HACD2: variants seen among roughly 807,000 people sequenced by gnomAD.
HACD2 encodes the protein 3-hydroxyacyl-CoA dehydratase 2.
In HACD2, 15 loss-of-function variants were observed where a neutral mutation model predicts 31.0. The ratio of observed to expected loss-of-function variants is 0.48; its 90% CI spans 0.32 to 0.75. HACD2 has a LOEUF of 0.75. Among genes scored for constraint, HACD2 ranks in the 30% least tolerant of loss-of-function variants. HACD2 has a pLI of 0.03. For synonymous variants in HACD2, 115 were observed against 122.2 expected, an observed-to-expected ratio of 0.94 and a Z score of 0.39; for missense variants, 283 against 313.0, an observed-to-expected ratio of 0.90 and a Z score of 0.72.
intron 3 of HACD2, among the ~76,000 whole-genome samples, chr3:123,532,097 G>A (rs1456375004): frequency 1.3e-5 from 2 of 152,168 alleles, no homozygotes; most frequent in Admixed American, 6.5e-5. Context: ...ATACAAAAGT[G>A]CCTGTCTTAG....
intron 2 of HACD2, among the ~76,000 whole-genome samples, chr3:123,574,047 A>G (rs879599609): frequency 2.4e-4 from 37 of 152,346 alleles, no homozygotes; most frequent in Non-Finnish European, 7.3e-5. Flanking sequence ...GGGCTAATTA[A>G]TGGCAAAACC....
chr3:123,564,452 T>C (rs1184927448), intron 3 of HACD2, among the ~76,000 whole-genome samples: 1 of 152,116 alleles, frequency 6.6e-6, no homozygotes, highest in South Asian at 2.1e-4. Context: ...TCAGGAGGGC[T>C]CAGTCCAACG....
At chr3:123,510,310 C>A (rs1229225942) in intron 4 of HACD2, among the ~76,000 whole-genome samples, 1 of 152,152 alleles carries the variant, frequency 6.6e-6, no homozygotes, top group Non-Finnish European at 1.5e-5. Context: ...TGCAGTGGTC[C>A]AATCTCGGCT....
At chr3:123,540,170 T>C (rs1037690031) in intron 3 of HACD2, among the ~76,000 whole-genome samples, 11 of 152,078 alleles carry the variant, frequency 7.2e-5, no homozygotes, top group Non-Finnish European at 1.6e-4. Context: ...ATGACTTTGC[T>C]GTACTGGTTT....
At chr3:123,532,286 G>C (rs372581886) in intron 3 of HACD2, among the ~76,000 whole-genome samples, 2 of 152,126 alleles carry the variant, frequency 1.3e-5, no homozygotes, top group Non-Finnish European at 2.9e-5. Flanking sequence ...ATGTCATTCA[G>C]ACCAACTGTC....
At chr3:123,506,704 G>T (rs527942711) in intron 4 of HACD2, among the ~76,000 whole-genome samples, 2 of 151,954 alleles carry the variant, frequency 1.3e-5, no homozygotes, top group African/African-American at 4.8e-5. Flanking sequence ...CAAAATGCTG[G>T]GATTACAAGT....
intron 4 of HACD2, among the ~76,000 whole-genome samples, chr3:123,507,985 AC>A (rs201699440): frequency 2.3e-4 from 35 of 150,220 alleles, no homozygotes; most frequent in African/African-American, 4.4e-4. Context: ...ACATAGTGAG[AC>A]CCCCCCTCTC....
At position 123,560,127 on chromosome 3, in the gene HACD2, T is replaced by C. The variant is rs576452302; in HGVS notation, c.292+7635A>G. Among the ~76,000 whole-genome samples the C allele has an allele frequency of 2.0e-5, 3 of 152,312 alleles. No individual in the cohort carries two copies. The East Asian group carries it at 5.8e-4, about 29-fold the overall frequency. On this transcript the variant is annotated intron_variant, in intron 3 of 6. Coordinates refer to ENST00000383657, the MANE Select transcript of HACD2 (RefSeq NM_198402.5). ...TCAGAGAACAGGGGCTGAAGCTTTG[T>C]GTATCAGGAGCACAAGATGCAGGTG...
intron 4 of HACD2, among the ~76,000 whole-genome samples, chr3:123,505,104 C>T (rs1352766305): frequency 6.6e-6 from 1 of 152,184 alleles, no homozygotes; most frequent in African/African-American, 2.4e-5. Flanking sequence ...AATTCTTACA[C>T]ATGCTACAAC....
chr3:123,510,881 T>C (rs1201320930), intron 4 of HACD2, among the ~76,000 whole-genome samples: 1 of 151,878 alleles, frequency 6.6e-6, no homozygotes, highest in African/African-American at 2.4e-5. Flanking sequence ...ATTACATCCC[T>C]ACCAACAGTG....
chr3:123,565,461 C>T (rs1466462046), intron 3 of HACD2, among the ~76,000 whole-genome samples: 2 of 152,064 alleles, frequency 1.3e-5, no homozygotes, highest in East Asian at 3.9e-4. Flanking sequence ...GCTCACTTGC[C>T]CCTTCCACCA....
intron 1 of HACD2, 128 bp downstream of exon 1, chr3:123,584,745 C>T: frequency 1.4e-6 from 1 of 704,924 alleles, no homozygotes; most frequent in African/African-American, 1.9e-5. Flanking sequence ...GGTACCGGGT[C>T]CCGGGCACCC....
At chr3:123,495,035 T>C in intron 6 of HACD2, 65 bp from the exon 7 acceptor site, 1 of 1,018,672 alleles carries the variant, frequency 9.8e-7, no homozygotes, top group Non-Finnish European at 1.5e-6. Context: ...ATTTAAAGCA[T>C]ATGAAGTTGA....
chr3:123,530,802 T>A (rs2056351085), intron 3 of HACD2, among the ~76,000 whole-genome samples: 1 of 152,182 alleles, frequency 6.6e-6, no homozygotes, highest in African/African-American at 2.4e-5. Flanking sequence ...TTCTCCTGCC[T>A]TGGCCTCCCA....
At chr3:123,535,860 C>T (rs904217664) in intron 3 of HACD2, among the ~76,000 whole-genome samples, 1 of 152,192 alleles carries the variant, frequency 6.6e-6, no homozygotes, top group Non-Finnish European at 1.5e-5. Context: ...TAATACATAG[C>T]TCATTCATGT....
intron 3 of HACD2, among the ~76,000 whole-genome samples, chr3:123,537,407 T>A (rs1034134310): frequency 1.8e-4 from 27 of 151,982 alleles, no homozygotes; most frequent in Admixed American, 2.6e-4. Flanking sequence ...TCTACAAAAA[T>A]TTTTTTAAAA....
In HACD2 at chr3:123,491,841, T is replaced by C. The variant is rs772728708; in HGVS notation, c.*3047A>G. 2.4e-4 allele frequency: 36 copies of C among 152,588 alleles called. No individual in the cohort carries two copies. Among genetic ancestry groups the C allele is most frequent in the Non-Finnish European group, 4.7e-4 (32 of 68,036 alleles). 9.5% of individuals were successfully genotyped at this position (152,588 alleles called of 1,614,324 possible). ...ACGGTTGTACAATTTTTTACCCAAA[T>C]TTCAAAGGAGCAGTATGTATTGAAT... On this transcript the variant is annotated 3_prime_UTR_variant, in exon 7 of 7. Transcript: ENST00000383657.
In HACD2 at chr3:123,566,503, C is replaced by T. The variant is rs577545649; in HGVS notation, c.292+1259G>A. On this transcript the variant is annotated intron_variant, in intron 3 of 6. Coordinates refer to ENST00000383657, the MANE Select transcript of HACD2 (RefSeq NM_198402.5). ...CTCCCTGTGTTGCCCAGGCTGGTCT[C>T]GAACTCCTGGCCTCAAGTGATCCTC... Among the ~76,000 whole-genome samples, 460 of 151,910 alleles carry T rather than the reference C, an allele frequency of 3.0e-3. 2 individuals carry two copies. Among genetic ancestry groups the T allele is most frequent in the African/African-American group, 0.011 (447 of 41,520 alleles).
chr3:123,517,959 G>A (rs2056167387), intron 4 of HACD2, among the ~76,000 whole-genome samples: 1 of 1,884 alleles, frequency 5.3e-4, no homozygotes, highest in African/African-American at 5.5e-4. Flanking sequence ...TTGGGAGGCC[G>A]AGGCGGGCGG....
Sources: gnomAD v4.1 joint callset for allele counts (sites outside exome capture counted in the v4.1 genomes callset) on GRCh38, gnomAD v4.1.1 for gene constraint, MANE v1.5 for transcripts, NCBI Gene and HGNC (gene_info 2026-07-23, HGNC 2026-07-21) for gene names.